Variants in CERS6 observed in about 807,000 individuals in gnomAD.
CERS6 encodes the protein LAG1 homolog, ceramide synthase 6.
Under a neutral mutation model 56.8 loss-of-function variants are expected in CERS6, and 26 were observed. The ratio of observed to expected loss-of-function variants is 0.46; its 90% CI spans 0.34 to 0.63. The LOEUF (loss-of-function observed/expected upper bound fraction) is 0.63. CERS6 is among the 30% of genes least tolerant of loss of function. The probability of loss-of-function intolerance (pLI) is 0.01; values close to 1 mark genes in which losing one functional copy is unlikely to be tolerated. For synonymous variants in CERS6, 164 were observed against 173.3 expected, an observed-to-expected ratio of 0.95 and a Z score of 0.42; for missense variants, 415 against 467.5, an observed-to-expected ratio of 0.89 and a Z score of 1.04.
chr2:168,457,344 T>G (rs1693690518), intron 1 of CERS6, among the ~76,000 whole-genome samples: 4 of 152,194 alleles, frequency 2.6e-5, no homozygotes, highest in Admixed American at 2.0e-4. Context: ...ATAAACTTCT[T>G]TTTTGGTACT....
chr2:168,539,985 C>T (rs13432708), intron 1 of CERS6, among the ~76,000 whole-genome samples: 26,677 of 152,142 alleles, frequency 0.18, 2,669 homozygotes, highest in Non-Finnish European at 0.23. Flanking sequence ...ATGCTCTATT[C>T]ATTTGTAAAG....
Position 168,535,474 on chromosome 2 carries a change from C to T in CERS6, c.171-12122C>T, listed in dbSNP as rs187464702. Among the ~76,000 whole-genome samples, 5 of 152,078 alleles carry T rather than the reference C, an allele frequency of 3.3e-5. No homozygotes were observed. The East Asian group carries it at 5.8e-4, about 18-fold the overall frequency. The stretch of plus-strand genomic sequence containing the variant: ...GGGTTCTCCTGGCTCTCAGGTGGGC[C>T]GCCATACCACACTGCGCTTCCTTCC... On this transcript the variant is annotated intron_variant, in intron 1 of 9. Coordinates refer to ENST00000305747, the MANE Select transcript of CERS6 (RefSeq NM_203463.3).
At chr2:168,657,696 A>C in intron 4 of CERS6, among the ~76,000 whole-genome samples, 1 of 152,214 alleles carries the variant, frequency 6.6e-6, no homozygotes, top group Non-Finnish European at 1.5e-5. Context: ...TAAGTCCCCC[A>C]TTGCCCGGGG....
intron 3 of CERS6, among the ~76,000 whole-genome samples, chr2:168,616,083 A>G (rs1684309888): frequency 6.6e-6 from 1 of 152,188 alleles, no homozygotes; most frequent in South Asian, 2.1e-4. Flanking sequence ...CTCAAACAAA[A>G]CAATTATCAG....
chr2:168,651,660 C>T (rs1341649377), intron 4 of CERS6, among the ~76,000 whole-genome samples: 1 of 152,172 alleles, frequency 6.6e-6, no homozygotes, highest in Admixed American at 6.5e-5. Context: ...CATCAGATCT[C>T]ATGAGAATTC....
chr2:168,460,399 G>A (rs1326913896), intron 1 of CERS6, among the ~76,000 whole-genome samples: 1 of 151,904 alleles, frequency 6.6e-6, no homozygotes, highest in African/African-American at 2.4e-5. Flanking sequence ...GTCTCCCTGT[G>A]TTTCCCAGGC....
chr2:168,604,393 G>A (rs1050486468), intron 3 of CERS6, among the ~76,000 whole-genome samples: 9 of 520 alleles, frequency 0.017, no homozygotes, highest in East Asian at 0.083. Flanking sequence ...TTGTATACGT[G>A]TGTGTGTGTG....
chr2:168,692,002 A>G (rs1686516302), intron 5 of CERS6, among the ~76,000 whole-genome samples: 1 of 152,140 alleles, frequency 6.6e-6, no homozygotes. Flanking sequence ...TGTTACACCT[A>G]GTGTCATGGC....
chr2:168,466,010 C>CT (rs35424614), intron 1 of CERS6, among the ~76,000 whole-genome samples: 3,808 of 144,128 alleles, frequency 0.026, 141 homozygotes, highest in African/African-American at 0.089. Flanking sequence ...TCAAGCACTG[C>CT]TTTTTTTTTT....
intron 3 of CERS6, among the ~76,000 whole-genome samples, chr2:168,581,810 G>C (rs949353661): frequency 2.5e-4 from 38 of 152,292 alleles, no homozygotes; most frequent in Non-Finnish European, 3.7e-4. Context: ...TTCCTTGTGT[G>C]CTTAATTGTG....
intron 4 of CERS6, among the ~76,000 whole-genome samples, chr2:168,661,651 C>G (rs1056173663): frequency 1.3e-5 from 2 of 152,312 alleles, no homozygotes; most frequent in Non-Finnish European, 2.9e-5. Flanking sequence ...TTGTCTTTCT[C>G]TCATGCATTC....
intron 3 of CERS6, among the ~76,000 whole-genome samples, chr2:168,612,933 T>A (rs868627850): frequency 1.3e-5 from 2 of 152,344 alleles, no homozygotes; most frequent in African/African-American, 4.8e-5. Context: ...CAGCCTGGCT[T>A]ACAGGTCTGG....
intron 1 of CERS6, among the ~76,000 whole-genome samples, chr2:168,538,560 G>A (rs1424305981): frequency 6.6e-6 from 1 of 152,136 alleles, no homozygotes; most frequent in Non-Finnish European, 1.5e-5. Context: ...AGGTAGCCCT[G>A]TCCTTCTTAG....
intron 4 of CERS6, among the ~76,000 whole-genome samples, chr2:168,682,812 T>G (rs1479341236): frequency 6.6e-6 from 1 of 152,210 alleles, no homozygotes; most frequent in Non-Finnish European, 1.5e-5. Context: ...AGCTCATTCC[T>G]GAAAATTGTG....
intron 3 of CERS6, among the ~76,000 whole-genome samples, chr2:168,581,752 T>G (rs1683416881): frequency 6.6e-6 from 1 of 152,166 alleles, no homozygotes; most frequent in African/African-American, 2.4e-5. Context: ...ATTTGACAGT[T>G]CCAGTATTTG....
At chr2:168,579,161 T>C (rs1683348682) in intron 3 of CERS6, among the ~76,000 whole-genome samples, 1 of 152,194 alleles carries the variant, frequency 6.6e-6, no homozygotes, top group South Asian at 2.1e-4. Context: ...CATCTTCTTA[T>C]GATATTAATT....
chr2:168,602,344 C>T (rs1260533181), intron 3 of CERS6, among the ~76,000 whole-genome samples: 1 of 152,170 alleles, frequency 6.6e-6, no homozygotes, highest in East Asian at 1.9e-4. Flanking sequence ...TGGTATAGGA[C>T]TCTGTCTATA....
At chr2:168,522,975 TTTA>T (rs1695008210) in intron 1 of CERS6, among the ~76,000 whole-genome samples, 1 of 152,228 alleles carries the variant, frequency 6.6e-6, no homozygotes, top group Non-Finnish European at 1.5e-5. Flanking sequence ...TAGTCAAACA[TTTA>T]TTATGTGCCA....
At chr2:168,743,116 T>C (rs903164322) in intron 8 of CERS6, among the ~76,000 whole-genome samples, 2 of 151,280 alleles carry the variant, frequency 1.3e-5, no homozygotes, top group Non-Finnish European at 2.9e-5. Flanking sequence ...AGTTAAAGAG[T>C]GATTAAGATG....
Sources: gnomAD v4.1 joint callset for allele counts (sites outside exome capture counted in the v4.1 genomes callset) on GRCh38, gnomAD v4.1.1 for gene constraint, MANE v1.5 for transcripts, NCBI Gene and HGNC (gene_info 2026-07-23, HGNC 2026-07-21) for gene names.